PHACTR1: variants seen among roughly 807,000 people sequenced by gnomAD.
The protein encoded by PHACTR1 is phosphatase and actin regulator 1.
A neutral mutation model predicts 69.2 loss-of-function variants in PHACTR1; 16 were observed. The ratio of observed to expected loss-of-function variants is 0.23; its 90% CI spans 0.16 to 0.35. The LOEUF (loss-of-function observed/expected upper bound fraction) is 0.35, where lower values mean the gene tolerates loss of function less well. Ranked by LOEUF, PHACTR1 falls within the 10% of genes least tolerant of loss-of-function variation. PHACTR1 has a pLI of 1.00. For synonymous variants in PHACTR1, 312 were observed against 284.5 expected, an observed-to-expected ratio of 1.10 and a Z score of -0.97; for missense variants, 510 against 734.7, an observed-to-expected ratio of 0.69 and a Z score of 3.54.
intron 4 of PHACTR1, among the ~76,000 whole-genome samples, chr6:12,853,541 G>A (rs1033204975): frequency 3.3e-5 from 5 of 152,190 alleles, no homozygotes; most frequent in African/African-American, 1.2e-4. Flanking sequence ...TTCTCACACT[G>A]CTAATAAAGA....
intron 4 of PHACTR1, among the ~76,000 whole-genome samples, chr6:12,867,334 C>G (rs1371369712): frequency 6.6e-6 from 1 of 152,206 alleles, no homozygotes. Flanking sequence ...AGGCTCATTG[C>G]AAACTGGAAA....
intron 10 of PHACTR1, among the ~76,000 whole-genome samples, chr6:13,269,303 G>C (rs1391064405): frequency 6.6e-6 from 1 of 152,214 alleles, no homozygotes; most frequent in Admixed American, 6.5e-5. Context: ...AGGTGAGAAA[G>C]AGCTGTTAAG....
intron 4 of PHACTR1, among the ~76,000 whole-genome samples, chr6:12,893,444 T>C (rs1252597569): frequency 6.6e-6 from 1 of 152,216 alleles, no homozygotes; most frequent in East Asian, 1.9e-4. Context: ...CTTTCATTCA[T>C]AAACTGGAAA....
At chr6:12,986,709 G>A (rs538019767) in intron 4 of PHACTR1, among the ~76,000 whole-genome samples, 12 of 152,304 alleles carry the variant, frequency 7.9e-5, no homozygotes, top group African/African-American at 2.4e-4. Context: ...AGACACCTAC[G>A]GAAGATTGGT....
intron 4 of PHACTR1, among the ~76,000 whole-genome samples, chr6:12,898,976 C>T (rs551616669): frequency 9.9e-5 from 15 of 152,270 alleles, no homozygotes; most frequent in African/African-American, 3.6e-4. Context: ...AATGTGCTTC[C>T]ACCAGCAAAG....
At chr6:12,744,329 A>C (rs1409180399) in intron 3 of PHACTR1, among the ~76,000 whole-genome samples, 4 of 152,264 alleles carry the variant, frequency 2.6e-5, no homozygotes. Context: ...TTATGCAAAC[A>C]AGTATATTGC....
At chr6:12,921,090 A>T (rs1193154438) in intron 4 of PHACTR1, among the ~76,000 whole-genome samples, 2 of 152,194 alleles carry the variant, frequency 1.3e-5, no homozygotes, top group African/African-American at 4.8e-5. Context: ...GACTTTCAGG[A>T]TGTGCCCGTT....
chr6:13,206,176 G>C (rs1765891639), intron 8 of PHACTR1, 40 bp downstream of exon 8: 2 of 1,498,458 alleles, frequency 1.3e-6, no homozygotes, highest in Non-Finnish European at 9.0e-7. Flanking sequence ...GAGGAGAGGG[G>C]TTGGCTGGGG....
intron 4 of PHACTR1, among the ~76,000 whole-genome samples, chr6:13,042,151 G>C (rs924722741): frequency 2.6e-5 from 4 of 152,184 alleles, no homozygotes; most frequent in African/African-American, 9.6e-5. Flanking sequence ...TGAGAAAATA[G>C]TACCATAGTC....
intron 4 of PHACTR1, among the ~76,000 whole-genome samples, chr6:12,920,674 A>G (rs1787540459): frequency 6.6e-6 from 1 of 152,244 alleles, no homozygotes; most frequent in Non-Finnish European, 1.5e-5. Context: ...GGTGAATGTA[A>G]AAGTACTGTC....
intron 4 of PHACTR1, among the ~76,000 whole-genome samples, chr6:12,892,529 C>A (rs1299710480): frequency 6.6e-6 from 1 of 152,122 alleles, no homozygotes; most frequent in East Asian, 1.9e-4. Flanking sequence ...AAGCGAAGGA[C>A]CGAGTTTGGT....
At chr6:13,045,836 T>C (rs1048332164) in intron 4 of PHACTR1, among the ~76,000 whole-genome samples, 1 of 152,202 alleles carries the variant, frequency 6.6e-6, no homozygotes, top group African/African-American at 2.4e-5. Context: ...CCTCCGGCAG[T>C]GGGGAGAGCT....
At chr6:13,154,368 T>G (rs1264849696) in intron 5 of PHACTR1, among the ~76,000 whole-genome samples, 3 of 152,004 alleles carry the variant, frequency 2.0e-5, no homozygotes, top group Non-Finnish European at 4.4e-5. Flanking sequence ...CCATGTTGGC[T>G]AGGCTGATCT....
chr6:12,952,889 T>G (rs972734251), intron 4 of PHACTR1, among the ~76,000 whole-genome samples: 1 of 152,234 alleles, frequency 6.6e-6, no homozygotes, highest in Non-Finnish European at 1.5e-5. Context: ...TGTCCATTTT[T>G]TAAAGCACCA....
At chr6:13,111,053 C>T (rs1816960811) in intron 5 of PHACTR1, among the ~76,000 whole-genome samples, 1 of 152,010 alleles carries the variant, frequency 6.6e-6, no homozygotes, top group Admixed American at 6.6e-5. Flanking sequence ...ATAAGAATCC[C>T]CACAATTCAA....
chr6:12,780,860 C>A (rs1451070747), intron 4 of PHACTR1, among the ~76,000 whole-genome samples: 3 of 152,106 alleles, frequency 2.0e-5, no homozygotes, highest in Non-Finnish European at 4.4e-5. Flanking sequence ...TTTGTCAGCC[C>A]CTCTGTGCTA....
At chr6:12,916,944 A>G (rs1043522629) in intron 4 of PHACTR1, among the ~76,000 whole-genome samples, 1 of 152,190 alleles carries the variant, frequency 6.6e-6, no homozygotes, top group Admixed American at 6.5e-5. Context: ...TACTTTCAAC[A>G]TATCAGCATT....
chr6:13,286,083 T>C (rs1365431225), intron 13 of PHACTR1, 63 bp from the exon 14 acceptor site: 2 of 1,380,324 alleles, frequency 1.4e-6, no homozygotes, highest in African/African-American at 1.5e-5. Context: ...AGGAATGAAC[T>C]GAAAGGGGAG....
At chr6:13,194,426 GGAAAA>G (rs1306498191) in intron 7 of PHACTR1, among the ~76,000 whole-genome samples, 7 of 117,068 alleles carry the variant, frequency 6.0e-5, no homozygotes, top group Non-Finnish European at 1.0e-4. Flanking sequence ...AAGAAAGAAA[GGAAAA>G]AGAAAAGAGA....
Sources: gnomAD v4.1 joint callset for allele counts (sites outside exome capture counted in the v4.1 genomes callset) on GRCh38, gnomAD v4.1.1 for gene constraint, MANE v1.5 for transcripts, NCBI Gene and HGNC (gene_info 2026-07-23, HGNC 2026-07-21) for gene names.